The following NOX4 variants were observed in gnomAD, a reference collection of about 807,000 sequenced individuals.
NOX4 encodes the protein kidney oxidase-1.
NOX4 carries 69 observed loss-of-function variants against 87.6 expected under a neutral mutation model. That is an observed-to-expected ratio of 0.79 (90% CI 0.65 to 0.96). The LOEUF (loss-of-function observed/expected upper bound fraction) is 0.96, where lower values mean the gene tolerates loss of function less well. Ranked by LOEUF, NOX4 falls within the 40% of genes least tolerant of loss-of-function variation. The probability of loss-of-function intolerance (pLI) is 0.00; values close to 1 mark genes in which losing one functional copy is unlikely to be tolerated. For missense variants in NOX4, 680 were observed against 681.5 expected, an observed-to-expected ratio of 1.00 and a Z score of 0.02; for synonymous variants, 275 against 238.2, an observed-to-expected ratio of 1.15 and a Z score of -1.42.
At chr11:89,446,029 C>A (rs1016734338) in intron 4 of NOX4, among the ~76,000 whole-genome samples, 7 of 152,084 alleles carry the variant, frequency 4.6e-5, no homozygotes, top group Admixed American at 4.6e-4. Context: ...AGAAAACAAA[C>A]AACCCAATTA....
intron 17 of NOX4, among the ~76,000 whole-genome samples, 197 bp downstream of exon 17, chr11:89,335,648 A>G (rs1410465148): frequency 3.3e-5 from 5 of 151,852 alleles, no homozygotes; most frequent in South Asian, 4.1e-4. Context: ...TTTCTAAGCC[A>G]AACTTTAATT....
At chr11:89,538,828 C>T in the NOX4 span, among the ~76,000 whole-genome samples, 12 of 151,998 alleles carry the variant, frequency 7.9e-5, no homozygotes, top group East Asian at 1.7e-3. Flanking sequence ...GTTATGGACT[C>T]AATGTTTGTG....
intron 4 of NOX4, among the ~76,000 whole-genome samples, chr11:89,446,423 A>C (rs1320612094): frequency 3.9e-5 from 6 of 152,162 alleles, no homozygotes; most frequent in Non-Finnish European, 5.9e-5. Context: ...TAATGTTTAC[A>C]GCAGCTTTAT....
chr11:89,444,838 A>C (rs1944619211), intron 4 of NOX4, among the ~76,000 whole-genome samples: 1 of 152,100 alleles, frequency 6.6e-6, no homozygotes, highest in East Asian at 1.9e-4. Context: ...ACAATAAACA[A>C]AGGGCTCGAC....
intron 7 of NOX4, among the ~76,000 whole-genome samples, chr11:89,428,339 TA>T (rs1334688258): frequency 2.6e-5 from 4 of 152,156 alleles, no homozygotes; most frequent in African/African-American, 9.7e-5. Flanking sequence ...GCTAACATCA[TA>T]ATGACAGGAT....
chr11:89,416,027 C>G (rs1326418306), intron 8 of NOX4, among the ~76,000 whole-genome samples: 1 of 152,078 alleles, frequency 6.6e-6, no homozygotes, highest in Non-Finnish European at 1.5e-5. Flanking sequence ...TTTTGTGGCT[C>G]TAGCTCAAAG....
At chr11:89,576,463 C>T in the NOX4 span, among the ~76,000 whole-genome samples, 31 of 152,140 alleles carry the variant, frequency 2.0e-4, 2 homozygotes, top group South Asian at 3.1e-3. Flanking sequence ...AAAAATCATA[C>T]GATAAAAAAG....
intron 1 of NOX4, 52 bp from the exon 2 acceptor site, chr11:89,490,605 AC>A: frequency 3.1e-6 from 4 of 1,292,346 alleles, no homozygotes; most frequent in Non-Finnish European, 3.4e-6. Flanking sequence ...AATAATTATT[AC>A]CTGATGAATA....
chr11:89,421,876 T>A (rs773559892), intron 8 of NOX4, 26 bp downstream of exon 8: 10 of 1,453,946 alleles, frequency 6.9e-6, no homozygotes. Flanking sequence ...ACAAATGGTT[T>A]TAAATACATA....
At chr11:89,550,150 G>A in the NOX4 span, among the ~76,000 whole-genome samples, 18 of 151,362 alleles carry the variant, frequency 1.2e-4, no homozygotes, top group African/African-American at 1.7e-4. Context: ...CCACAGCCTC[G>A]CCAGTATCGG....
intron 8 of NOX4, among the ~76,000 whole-genome samples, chr11:89,415,266 C>T (rs185868048): frequency 6.6e-4 from 100 of 151,994 alleles, no homozygotes; most frequent in South Asian, 4.8e-3. Context: ...AATTATTATC[C>T]TCTAAAATGA....
At chr11:89,415,031 C>T (rs956300639) in intron 8 of NOX4, among the ~76,000 whole-genome samples, 1 of 151,910 alleles carries the variant, frequency 6.6e-6, no homozygotes, top group African/African-American at 2.4e-5. Context: ...TGGGCTCAAT[C>T]TTAGTTTTTT....
intron 8 of NOX4, among the ~76,000 whole-genome samples, chr11:89,414,483 A>T (rs1027038436): frequency 2.6e-5 from 4 of 151,840 alleles, no homozygotes; most frequent in African/African-American, 7.3e-5. Context: ...TTATAAAGAC[A>T]CACTGGCAAT....
chr11:89,435,208 T>A (rs956189972), intron 6 of NOX4, among the ~76,000 whole-genome samples: 2 of 152,064 alleles, frequency 1.3e-5, no homozygotes. Flanking sequence ...AACCTTTATT[T>A]GTCCACATGA....
intron 8 of NOX4, among the ~76,000 whole-genome samples, chr11:89,416,694 T>C (rs567004481): frequency 5.9e-5 from 9 of 152,260 alleles, no homozygotes; most frequent in African/African-American, 2.2e-4. Context: ...TTCATTAATG[T>C]CACTGTTGAC....
At chr11:89,523,801 C>T in the NOX4 span, among the ~76,000 whole-genome samples, 1 of 152,106 alleles carries the variant, frequency 6.6e-6, no homozygotes, top group Non-Finnish European at 1.5e-5. Context: ...TTAAAAGGAA[C>T]TAACTACTAG....
rs569705860 is a variant in NOX4, at chr11:89,378,947, A to G, written c.1075-5455T>C. Among the ~76,000 whole-genome samples the G allele has an allele frequency of 1.2e-4, 18 of 152,350 alleles. 1 individual carries two copies. The South Asian group carries it at 2.7e-3, about 23-fold the overall frequency. ...AAAACTTTAATGCTTTTGCATTTGT[A>G]TGAAAGAAAAAAGTGTTTAATTGTA... is the stretch of plus-strand genomic sequence containing the variant. On this transcript the variant is annotated intron_variant, in intron 11 of 17. Transcript: ENST00000263317.
At chr11:89,400,132 A>G (rs1813617613) in intron 10 of NOX4, 53 bp from the exon 11 acceptor site, 1 of 1,577,410 alleles carries the variant, frequency 6.3e-7, no homozygotes, top group East Asian at 2.3e-5. Context: ...AATTTCAACT[A>G]TTTCAATGAT....
chr11:89,441,134 A>G (rs1944435973), intron 5 of NOX4, among the ~76,000 whole-genome samples: 1 of 152,188 alleles, frequency 6.6e-6, no homozygotes, highest in Non-Finnish European at 1.5e-5. Context: ...TTAAAAACCA[A>G]TAAAATATGT....
Sources: gnomAD v4.1 joint callset for allele counts (sites outside exome capture counted in the v4.1 genomes callset) on GRCh38, gnomAD v4.1.1 for gene constraint, MANE v1.5 for transcripts, NCBI Gene and HGNC (gene_info 2026-07-23, HGNC 2026-07-21) for gene names.